The following NR3C2 variants were observed in gnomAD, a reference collection of about 807,000 sequenced individuals.
NR3C2 encodes nuclear receptor subfamily 3 group C member 2.
A neutral mutation model predicts 86.4 loss-of-function variants in NR3C2; 15 were observed. That is an observed-to-expected ratio of 0.17 (90% CI 0.12 to 0.27). The LOEUF (loss-of-function observed/expected upper bound fraction) is 0.27, where lower values mean the gene tolerates loss of function less well. NR3C2 is among the 10% of genes least tolerant of loss of function. NR3C2 has a pLI of 1.00. For missense variants in NR3C2, 960 were observed against 1,195.6 expected (o/e 0.80, Z 2.91); for synonymous variants, 458 against 450.5 (o/e 1.02, Z -0.21).
intron 2 of NR3C2, among the ~76,000 whole-genome samples, chr4:148,353,728 C>T (rs531746050): frequency 6.6e-6 from 1 of 152,212 alleles, no homozygotes; most frequent in Admixed American, 6.5e-5. Context: ...ATCACTGCTG[C>T]TCAGAACAAT....
chr4:148,250,011 A>C (rs1467463775), intron 3 of NR3C2, among the ~76,000 whole-genome samples: 1 of 152,158 alleles, frequency 6.6e-6, no homozygotes, highest in Non-Finnish European at 1.5e-5. Flanking sequence ...GGTGGTTCTG[A>C]AGTCTTCTGG....
intron 2 of NR3C2, among the ~76,000 whole-genome samples, chr4:148,306,086 G>C (rs1254780297): frequency 6.6e-6 from 1 of 152,186 alleles, no homozygotes; most frequent in East Asian, 1.9e-4. Flanking sequence ...TGTTTGCATA[G>C]TACTTTACAG....
At chr4:148,385,754 C>A (rs1477229860) in intron 2 of NR3C2, among the ~76,000 whole-genome samples, 1 of 152,176 alleles carries the variant, frequency 6.6e-6, no homozygotes, top group Non-Finnish European at 1.5e-5. Flanking sequence ...CCCCATGCCA[C>A]CTGCATCCAC....
At chr4:148,436,986 G>T in intron 1 of NR3C2, 124 bp from the exon 2 acceptor site, 1 of 794,348 alleles carries the variant, frequency 1.3e-6, no homozygotes, top group Non-Finnish European at 2.0e-6. Flanking sequence ...AACATTTCTA[G>T]CTAATTTAAA....
chr4:148,311,042 A>G (rs1378614624), intron 2 of NR3C2, among the ~76,000 whole-genome samples: 4 of 150,596 alleles, frequency 2.7e-5, no homozygotes, highest in African/African-American at 9.8e-5. Context: ...ATTTCATCTC[A>G]CTCTTCTTGA....
chr4:148,287,831 C>T (rs547967702), intron 2 of NR3C2, among the ~76,000 whole-genome samples: 3 of 152,208 alleles, frequency 2.0e-5, no homozygotes, highest in South Asian at 2.1e-4. Flanking sequence ...ACTGTCTCGA[C>T]TGCATCATTC....
intron 7 of NR3C2, among the ~76,000 whole-genome samples, chr4:148,116,201 T>A (rs933374878): frequency 2.0e-5 from 3 of 152,220 alleles, no homozygotes; most frequent in African/African-American, 7.2e-5. Context: ...ATTTGGTACA[T>A]CTAAGATTAA....
intron 3 of NR3C2, among the ~76,000 whole-genome samples, chr4:148,234,267 T>C (rs1015701179): frequency 4.9e-4 from 75 of 152,348 alleles, no homozygotes; most frequent in African/African-American, 1.8e-3. Flanking sequence ...ACAATTTTTT[T>C]ATTTTGAGGA....
chr4:148,274,635 A>G (rs1740869687), intron 2 of NR3C2, among the ~76,000 whole-genome samples: 1 of 151,596 alleles, frequency 6.6e-6, no homozygotes, highest in African/African-American at 2.4e-5. Flanking sequence ...CTCTCCAGTC[A>G]TGCAGAACTG....
Position 148,435,817 on chromosome 4 carries a change from G to A in NR3C2, c.1044C>T (p.Thr348=), listed in dbSNP as rs1750029516. The A allele has an allele frequency of 4.3e-6, 7 of 1,614,212 alleles. No individual in the cohort carries two copies. The highest frequency in any genetic ancestry group is 5.9e-6 in the Non-Finnish European group (7 of 1,180,040). The change falls in exon 2 of 9, where the codon ACC becomes ACT. Residue 348 remains threonine, a synonymous_variant. Coordinates refer to ENST00000358102, the MANE Select transcript of NR3C2 (RefSeq NM_000901.5). ...NNAFSYTASG[T]SAGSSTLRDV... ...CCCGCAATGTACTGGATCCAGCAGAGGTGCCAGAAGCAGTGTAGCTGAAGG... is the reference window on the plus strand; with the variant it reads ...CCCGCAATGTACTGGATCCAGCAGAAGTGCCAGAAGCAGTGTAGCTGAAGG...
chr4:148,418,473 T>C (rs987690841), intron 2 of NR3C2, among the ~76,000 whole-genome samples: 3 of 152,198 alleles, frequency 2.0e-5, no homozygotes, highest in African/African-American at 7.2e-5. Flanking sequence ...GTTCAGAGAA[T>C]ACAGTTCTCA....
At chr4:148,209,533 A>G (rs1268188909) in intron 3 of NR3C2, among the ~76,000 whole-genome samples, 1 of 152,170 alleles carries the variant, frequency 6.6e-6, no homozygotes, top group Non-Finnish European at 1.5e-5. Flanking sequence ...CCTGGCCTCA[A>G]GTGATTCTCC....
chr4:148,185,325 T>A (rs1393131975), intron 4 of NR3C2, among the ~76,000 whole-genome samples: 1 of 152,112 alleles, frequency 6.6e-6, no homozygotes, highest in Non-Finnish European at 1.5e-5. Flanking sequence ...TCTCTCTGAT[T>A]TGGTGTTGGT....
intron 4 of NR3C2, among the ~76,000 whole-genome samples, chr4:148,158,587 A>C (rs1578953828): frequency 6.6e-6 from 1 of 152,224 alleles, no homozygotes; most frequent in South Asian, 2.1e-4. Flanking sequence ...CCTTTATAGG[A>C]CCACATCTGA....
intron 4 of NR3C2, among the ~76,000 whole-genome samples, chr4:148,180,875 C>G (rs72653852): frequency 8.5e-5 from 13 of 152,232 alleles, no homozygotes; most frequent in African/African-American, 3.1e-4. Context: ...CAGTAATGTA[C>G]AAGAGCATCT....
At chr4:148,415,006 T>C (rs1670333756) in intron 2 of NR3C2, among the ~76,000 whole-genome samples, 2 of 152,244 alleles carry the variant, frequency 1.3e-5, no homozygotes, top group Admixed American at 1.3e-4. Context: ...TAAAATATTT[T>C]GCAACTGATT....
intron 2 of NR3C2, among the ~76,000 whole-genome samples, chr4:148,361,723 C>T (rs1192260745): frequency 6.6e-6 from 1 of 152,190 alleles, no homozygotes; most frequent in Non-Finnish European, 1.5e-5. Flanking sequence ...CCTTCTCCTT[C>T]CATTCTTACA....
chr4:148,283,516 C>T (rs1423788099), intron 2 of NR3C2, among the ~76,000 whole-genome samples: 1 of 152,144 alleles, frequency 6.6e-6, no homozygotes, highest in East Asian at 1.9e-4. Flanking sequence ...GCTTTAAAAA[C>T]CCTGAAAGGC....
intron 8 of NR3C2, among the ~76,000 whole-genome samples, chr4:148,107,990 G>A (rs1278463228): frequency 2.0e-5 from 3 of 152,122 alleles, no homozygotes; most frequent in Admixed American, 1.3e-4. Flanking sequence ...TTCTGCACAT[G>A]TATCCCAGAA....
Sources: gnomAD v4.1 joint callset for allele counts (sites outside exome capture counted in the v4.1 genomes callset) on GRCh38, gnomAD v4.1.1 for gene constraint, MANE v1.5 for transcripts, NCBI Gene and HGNC (gene_info 2026-07-23, HGNC 2026-07-21) for gene names.